Variants in ATRNL1 observed in about 807,000 individuals in gnomAD.
The protein encoded by ATRNL1 is attractin like 1, also known as attractin-like protein 1.
Under a neutral mutation model 182.7 loss-of-function variants are expected in ATRNL1, and 95 were observed. That is an observed-to-expected ratio of 0.52 (90% confidence interval 0.44 to 0.62). The LOEUF (loss-of-function observed/expected upper bound fraction) is 0.62. Ranked by LOEUF, ATRNL1 falls within the 20% of genes least tolerant of loss-of-function variation. The pLI, the probability that ATRNL1 is intolerant of heterozygous loss-of-function variation, is 0.00. For synonymous variants in ATRNL1, 576 were observed against 568.3 expected, an observed-to-expected ratio of 1.01 and a Z score of -0.19; for missense variants, 1,471 against 1,679.5, an observed-to-expected ratio of 0.88 and a Z score of 2.17.
intron 8 of ATRNL1, among the ~76,000 whole-genome samples, chr10:115,182,999 G>A (rs1847806247): frequency 6.6e-6 from 1 of 151,422 alleles, no homozygotes; most frequent in African/African-American, 2.4e-5. Context: ...TATAGAGAAT[G>A]TTGTCTTCTC....
intron 26 of ATRNL1, among the ~76,000 whole-genome samples, chr10:115,672,403 T>G (rs1192226564): frequency 6.6e-6 from 1 of 152,114 alleles, no homozygotes; most frequent in Admixed American, 6.6e-5. Flanking sequence ...TTTTAGGAAT[T>G]ACTCATAGAA....
intron 21 of ATRNL1, among the ~76,000 whole-genome samples, chr10:115,439,835 AG>A (rs2134442334): frequency 6.6e-6 from 1 of 152,056 alleles, no homozygotes; most frequent in Non-Finnish European, 1.5e-5. Flanking sequence ...AAATGAGGAC[AG>A]GCTTTGGAAG....
intron 27 of ATRNL1, among the ~76,000 whole-genome samples, chr10:115,839,146 A>G (rs1555096386): frequency 6.6e-6 from 1 of 152,140 alleles, no homozygotes; most frequent in African/African-American, 2.4e-5. Context: ...TTATGATTGA[A>G]GTTTCAGGAA....
intron 26 of ATRNL1, among the ~76,000 whole-genome samples, chr10:115,636,211 A>G (rs1555028077): frequency 6.6e-6 from 1 of 152,170 alleles, no homozygotes; most frequent in African/African-American, 2.4e-5. Context: ...GTTCACAACA[A>G]GGAGATAAAC....
intron 9 of ATRNL1, among the ~76,000 whole-genome samples, chr10:115,236,796 T>C (rs1292319853): frequency 1.3e-5 from 2 of 152,218 alleles, no homozygotes; most frequent in Non-Finnish European, 2.9e-5. Flanking sequence ...ACTTTTGTGC[T>C]GTATATTCTA....
intron 27 of ATRNL1, among the ~76,000 whole-genome samples, chr10:115,829,463 G>T (rs1950510257): frequency 6.7e-6 from 1 of 150,284 alleles, no homozygotes. Context: ...CCACTTTGCA[G>T]TCTCTTCAGG....
rs1051358184 is a variant in ATRNL1 at position 115,669,087 on chromosome 10, T to C, written c.3796-58161T>C. 7.2e-5 allele frequency among the ~76,000 whole-genome samples: 11 copies of C among 152,154 alleles called. 1 individual carries two copies. Among genetic ancestry groups the C allele is most frequent in the African/African-American group, 2.7e-4 (11 of 41,454 alleles). On this transcript the variant is annotated intron_variant, in intron 26 of 28. Transcript: ENST00000355044. ...TTATATGTAAATATCTGACACCACA[T>C]TGTTTTCTTTTATAATTTATTTTTG...
In ATRNL1 at chr10:115,292,243, CTT is replaced by C. The variant is rs1446996628; in HGVS notation, c.2415+5848_2415+5849del. Among the ~76,000 whole-genome samples, 6 of 151,732 alleles carry C rather than the reference CTT, an allele frequency of 4.0e-5. No individual in the cohort carries two copies. In the South Asian group the frequency reaches 1.0e-3, roughly 26 times the overall value. On this transcript the variant is annotated intron_variant, in intron 15 of 28. Transcript: ENST00000355044. The stretch of plus-strand genomic sequence containing the variant: ...GATTTTATTTATCTGGGTCCTCTCT[CTT>C]TCTTGTTTGGTCTAGCAAATGGTTT...
chr10:115,839,713 C>A (rs1313606038), intron 27 of ATRNL1, among the ~76,000 whole-genome samples: 4 of 152,168 alleles, frequency 2.6e-5, no homozygotes, highest in African/African-American at 9.6e-5. Flanking sequence ...CCAGTGCATT[C>A]AGCTCCAAAT....
chr10:115,507,023 G>T (rs1291067407), intron 24 of ATRNL1, among the ~76,000 whole-genome samples: 1 of 152,080 alleles, frequency 6.6e-6, no homozygotes, highest in Non-Finnish European at 1.5e-5. Context: ...AGGGAGACAT[G>T]AGACATTAAT....
chr10:115,505,315 T>C (rs1554981052), intron 24 of ATRNL1, among the ~76,000 whole-genome samples: 1 of 152,128 alleles, frequency 6.6e-6, no homozygotes, highest in African/African-American at 2.4e-5. Context: ...GCACTTAAAA[T>C]AATTCTTTTT....
chr10:115,346,762 A>G (rs1855995238), intron 19 of ATRNL1, among the ~76,000 whole-genome samples: 4 of 152,078 alleles, frequency 2.6e-5, no homozygotes, highest in Admixed American at 2.6e-4. Flanking sequence ...AAAAAGTTCT[A>G]TATATCTTCT....
chr10:115,198,200 C>T (rs930422176), intron 8 of ATRNL1, among the ~76,000 whole-genome samples: 21 of 152,082 alleles, frequency 1.4e-4, no homozygotes, highest in Non-Finnish European at 2.8e-4. Context: ...CTGATAATAA[C>T]GATTCTAACA....
intron 26 of ATRNL1, among the ~76,000 whole-genome samples, chr10:115,644,881 T>G (rs10749177): frequency 6.6e-6 from 1 of 152,178 alleles, no homozygotes; most frequent in African/African-American, 2.4e-5. Flanking sequence ...TTGGGGAAAC[T>G]TCTTTGATTC....
chr10:115,841,786 A>G (rs1950815139), intron 27 of ATRNL1, among the ~76,000 whole-genome samples: 1 of 152,036 alleles, frequency 6.6e-6, no homozygotes, highest in Non-Finnish European at 1.5e-5. Flanking sequence ...TTTTTTCCCC[A>G]AGCCTAAACA....
At chr10:115,489,563 G>T (rs114531294) in intron 24 of ATRNL1, among the ~76,000 whole-genome samples, 1,814 of 151,686 alleles carry the variant, frequency 0.012, 29 homozygotes, top group African/African-American at 0.041. Context: ...CCCCTTTTTT[G>T]CTTTCCATTT....
chr10:115,225,819 G>T (rs1208985216), intron 9 of ATRNL1, among the ~76,000 whole-genome samples: 4 of 151,124 alleles, frequency 2.6e-5, no homozygotes, highest in African/African-American at 4.8e-5. Context: ...GATTTAATGT[G>T]ATCCCAAACA....
intron 27 of ATRNL1, among the ~76,000 whole-genome samples, chr10:115,729,356 G>A (rs146807249): frequency 2.8e-4 from 43 of 151,744 alleles, no homozygotes; most frequent in Admixed American, 1.0e-3. Context: ...TTGCAATTTC[G>A]CTATATCCTT....
In ATRNL1 at chr10:115,315,729, G is replaced by A. The variant is rs1197737407; in HGVS notation, c.3030G>A (p.Gln1010=). 3 of 1,611,124 alleles carry A rather than the reference G, an allele frequency of 1.9e-6. No individual in the cohort carries two copies. The highest frequency in any genetic ancestry group is 2.5e-6 in the Non-Finnish European group (3 of 1,178,682). The change falls in exon 18 of 29, where the codon CAG becomes CAA. Residue 1010 remains glutamine, a synonymous_variant. Transcript: ENST00000355044. ...AGAACTATGAGTGGTCCTTTATCCAGTGTCCAGGTAATAATAATGTAATGG... is the reference window on the plus strand; with the variant it reads ...AGAACTATGAGTGGTCCTTTATCCAATGTCCAGGTAATAATAATGTAATGG... ...KEKNYEWSFI[Q]CPACQCNGHS...
Sources: allele counts gnomAD v4.1 joint callset (sites outside exome capture counted in the v4.1 genomes callset), GRCh38; gene constraint gnomAD v4.1.1; transcripts MANE v1.5; gene names NCBI Gene and HGNC (gene_info 2026-07-23, HGNC 2026-07-21).